HHAT: variants seen among roughly 807,000 people sequenced by gnomAD.
HHAT encodes the protein protein-cysteine N-palmitoyltransferase HHAT.
HHAT carries 47 observed loss-of-function variants against 70.8 expected under a neutral mutation model. The observed-to-expected ratio is 0.66, with a 90% CI of 0.53 to 0.85. The LOEUF (loss-of-function observed/expected upper bound fraction) is 0.85. HHAT is among the 40% of genes least tolerant of loss of function. HHAT has a pLI of 0.00. For synonymous variants in HHAT, 228 were observed against 247.6 expected (o/e 0.92, Z 0.74); for missense variants, 609 against 604.8 (o/e 1.01, Z -0.07).
At chr1:210,528,767 C>G (rs907411647) in intron 9 of HHAT, among the ~76,000 whole-genome samples, 1 of 152,032 alleles carries the variant, frequency 6.6e-6, no homozygotes, top group African/African-American at 2.4e-5. Context: ...GATACCCTTT[C>G]CTGAAAGAGA....
intron 7 of HHAT, among the ~76,000 whole-genome samples, chr1:210,449,185 C>G (rs2093695979): frequency 6.6e-6 from 1 of 152,186 alleles, no homozygotes; most frequent in Non-Finnish European, 1.5e-5. Context: ...ATGTCTGACA[C>G]TCAGACTCTG....
At chr1:210,547,198 G>A (rs1342180283) in intron 9 of HHAT, among the ~76,000 whole-genome samples, 1 of 151,802 alleles carries the variant, frequency 6.6e-6, no homozygotes, top group East Asian at 2.0e-4. Flanking sequence ...GTGTGGTGGC[G>A]AGCGCCTGTA....
At chr1:210,563,591 T>C (rs550408597) in intron 9 of HHAT, among the ~76,000 whole-genome samples, 1 of 152,286 alleles carries the variant, frequency 6.6e-6, no homozygotes, top group African/African-American at 2.4e-5. Flanking sequence ...AGCAGGGAGT[T>C]GGGAACCACT....
chr1:210,623,111 C>A (rs1462665836), intron 10 of HHAT, among the ~76,000 whole-genome samples: 1 of 152,286 alleles, frequency 6.6e-6, no homozygotes, highest in South Asian at 2.1e-4. Flanking sequence ...TGTTCTGTCA[C>A]CCAGACTTGG....
chr1:210,577,264 C>T (rs1175512703), intron 9 of HHAT, among the ~76,000 whole-genome samples: 1 of 152,084 alleles, frequency 6.6e-6, no homozygotes, highest in Non-Finnish European at 1.5e-5. Context: ...TGTTTCTGAT[C>T]TTAGCAAAAA....
intron 9 of HHAT, among the ~76,000 whole-genome samples, chr1:210,573,242 G>A (rs542668387): frequency 4.6e-5 from 7 of 152,248 alleles, no homozygotes; most frequent in African/African-American, 1.4e-4. Context: ...TCAAAAACCA[G>A]GAAAGTGACT....
intron 9 of HHAT, among the ~76,000 whole-genome samples, chr1:210,581,107 G>A (rs1004727194): frequency 1.3e-5 from 2 of 152,178 alleles, no homozygotes; most frequent in Middle Eastern, 3.4e-3. Flanking sequence ...TATGTTTATT[G>A]GTCACATAAA....
intron 10 of HHAT, among the ~76,000 whole-genome samples, chr1:210,619,989 G>T (rs1668518298): frequency 6.6e-6 from 1 of 152,158 alleles, no homozygotes; most frequent in Non-Finnish European, 1.5e-5. Flanking sequence ...TCTTCAACAT[G>T]AATTCTCTTG....
Position 210,404,692 on chromosome 1 carries a change from G to A in HHAT, c.684+13G>A. On this transcript the variant is annotated intron_variant, in intron 6 of 11. Transcript: ENST00000261458. ...GTTCATCAAACAGGTAGAGCCCGCT[G>A]GGGATGGGATTGGGATTCTATAGCT... 1 of 1,602,190 alleles carries A rather than the reference G, an allele frequency of 6.2e-7. No individual in the cohort carries two copies. The highest frequency in any genetic ancestry group is 1.7e-5 in the Admixed American group (1 of 59,992).
intron 10 of HHAT, among the ~76,000 whole-genome samples, chr1:210,615,489 A>C (rs919784212): frequency 6.6e-6 from 1 of 152,182 alleles, no homozygotes; most frequent in Non-Finnish European, 1.5e-5. Context: ...GAGGAGCTGC[A>C]TTCCTTTGAA....
chr1:210,378,487 TATA>T (rs1267972904), intron 3 of HHAT, among the ~76,000 whole-genome samples: 1 of 152,096 alleles, frequency 6.6e-6, no homozygotes, highest in Non-Finnish European at 1.5e-5. Flanking sequence ...GAAAAAGAGG[TATA>T]ATAATGAAAA....
chr1:210,439,999 T>A (rs1297994513), intron 7 of HHAT, among the ~76,000 whole-genome samples: 6 of 151,900 alleles, frequency 3.9e-5, no homozygotes, highest in Non-Finnish European at 5.9e-5. Context: ...TGGGGTTTTT[T>A]GTTTATTGAG....
At chr1:210,624,336 CT>C (rs1427070069) in intron 11 of HHAT, among the ~76,000 whole-genome samples, 2 of 152,160 alleles carry the variant, frequency 1.3e-5, no homozygotes, top group Admixed American at 6.5e-5. Flanking sequence ...AATTCCATTT[CT>C]TTATAAATTA....
intron 9 of HHAT, among the ~76,000 whole-genome samples, chr1:210,544,806 T>C (rs1211077604): frequency 6.6e-6 from 1 of 152,200 alleles, no homozygotes. Context: ...TCTTATCTCT[T>C]CAGTAGTTGT....
chr1:210,608,137 G>A (rs187508600), intron 10 of HHAT, among the ~76,000 whole-genome samples: 1 of 152,148 alleles, frequency 6.6e-6, no homozygotes, highest in African/African-American at 2.4e-5. Context: ...TGCATCTGCA[G>A]TGAAGACTCC....
At chr1:210,392,718 G>C (rs1012756482) in intron 4 of HHAT, among the ~76,000 whole-genome samples, 3 of 152,164 alleles carry the variant, frequency 2.0e-5, no homozygotes, top group Non-Finnish European at 4.4e-5. Flanking sequence ...TAACAGGCGT[G>C]AGCCACCATG....
In HHAT at chr1:210,675,664, C is replaced by T. The variant is rs954138352; in HGVS notation, c.*1285C>T. 6.6e-6 allele frequency: 1 copy of T among 152,192 alleles called. No homozygotes were observed. Among genetic ancestry groups the T allele is most frequent in the African/African-American group, 2.4e-5 (1 of 41,444 alleles). The allele number at this position is 152,192 out of a possible 1,614,324, so 9.4% of individuals were successfully genotyped here. A position where few individuals can be genotyped will look rare whatever the true frequency, so the allele number is the denominator to read the frequency against. On this transcript the variant is annotated 3_prime_UTR_variant, in exon 12 of 12. Coordinates refer to ENST00000261458, the MANE Select transcript of HHAT (RefSeq NM_018194.6). Reference sequence around the variant, plus strand: ...TTATGTCTTGAGTTGAGGTTATCATCTCAATGAGGCTTTAGCTCCTAGAGT... The same window carrying T: ...TTATGTCTTGAGTTGAGGTTATCATTTCAATGAGGCTTTAGCTCCTAGAGT...
chr1:210,586,332 TG>T (rs1343446961), intron 9 of HHAT, among the ~76,000 whole-genome samples: 1 of 152,000 alleles, frequency 6.6e-6, no homozygotes, highest in Non-Finnish European at 1.5e-5. Flanking sequence ...CCCAGTTACT[TG>T]GGGGGCTAAA....
At chr1:210,635,958 C>T (rs946291275) in intron 11 of HHAT, among the ~76,000 whole-genome samples, 10 of 152,214 alleles carry the variant, frequency 6.6e-5, no homozygotes, top group Admixed American at 2.0e-4. Flanking sequence ...TGTTTGTTCT[C>T]TGCAGATATT....
Sources: allele counts gnomAD v4.1 joint callset (sites outside exome capture counted in the v4.1 genomes callset), GRCh38; gene constraint gnomAD v4.1.1; transcripts MANE v1.5; gene names NCBI Gene and HGNC (gene_info 2026-07-23, HGNC 2026-07-21).